Variants in AGBL3 observed in about 807,000 individuals in gnomAD.
AGBL3 encodes the protein cytosolic carboxypeptidase 3.
Under a neutral mutation model 94.5 loss-of-function variants are expected in AGBL3, and 68 were observed. The observed-to-expected ratio is 0.72, with a 90% CI of 0.59 to 0.88. The LOEUF (loss-of-function observed/expected upper bound fraction) is 0.88, where lower values mean the gene tolerates loss of function less well. Among genes scored for constraint, AGBL3 ranks in the 40% least tolerant of loss-of-function variants. AGBL3 has a pLI of 0.00. For synonymous variants in AGBL3, 354 were observed against 370.7 expected (o/e 0.95, Z 0.52); for missense variants, 934 against 1,103.8 (o/e 0.85, Z 2.18).
At chr7:135,134,587 T>A (rs1273284591) in intron 16 of AGBL3, among the ~76,000 whole-genome samples, 1 of 151,968 alleles carries the variant, frequency 6.6e-6, no homozygotes, top group Non-Finnish European at 1.5e-5. Flanking sequence ...GCTATTATAT[T>A]AGGAAGGCTG....
chr7:135,026,244 ATTATTTTATT>A (rs1554497685), intron 5 of AGBL3, among the ~76,000 whole-genome samples: 213 of 81,476 alleles, frequency 2.6e-3, no homozygotes, highest in African/African-American at 7.9e-3. Flanking sequence ...AATGAATACC[ATTATTTTATT>A]TTATTTTATT....
chr7:135,031,128 C>A (rs1815696095), intron 5 of AGBL3, among the ~76,000 whole-genome samples: 1 of 151,920 alleles, frequency 6.6e-6, no homozygotes, highest in Non-Finnish European at 1.5e-5. Context: ...TTTGCATTAT[C>A]TTGGAGTCTG....
chr7:135,050,580 G>A (rs1294548728), intron 11 of AGBL3, among the ~76,000 whole-genome samples: 4 of 151,722 alleles, frequency 2.6e-5, no homozygotes, highest in Non-Finnish European at 4.4e-5. Context: ...ATATATATTT[G>A]TGATTGTTGT....
At chr7:135,018,003 G>C (rs1196325209) in intron 5 of AGBL3, among the ~76,000 whole-genome samples, 2 of 152,100 alleles carry the variant, frequency 1.3e-5, no homozygotes, top group African/African-American at 4.8e-5. Flanking sequence ...TAATTGAGAT[G>C]AATCAGTCAG....
At position 135,034,671 on chromosome 7, in the gene AGBL3, T is replaced by C; in HGVS notation, c.1080T>C (p.Thr360=). 1 of 1,551,580 alleles carries C rather than the reference T, an allele frequency of 6.4e-7. No homozygotes were observed. The highest frequency in any genetic ancestry group is 8.7e-7 in the Non-Finnish European group (1 of 1,146,932). ...GAAAGCGGAAGGCTGTGATTCTGAC[T>C]GCAAGGGTCCATCCAGGGGAAACCA... ...DSRKRKAVIL[T]ARVHPGETNS... Residue 360 remains threonine, a synonymous_variant, in exon 7 of 17, where the codon ACT becomes ACC. Transcript: ENST00000436302.
chr7:134,992,694 C>T (rs2133370874), intron 3 of AGBL3, among the ~76,000 whole-genome samples: 1 of 152,194 alleles, frequency 6.6e-6, no homozygotes, highest in African/African-American at 2.4e-5. Flanking sequence ...GCTGCCTTGC[C>T]CAAACAAAGT....
intron 4 of AGBL3, among the ~76,000 whole-genome samples, chr7:135,013,617 T>C (rs1281682546): frequency 6.6e-6 from 1 of 151,732 alleles, no homozygotes; most frequent in Non-Finnish European, 1.5e-5. Flanking sequence ...GGTTGACTCA[T>C]TGTAGTTGAT....
At chr7:135,067,255 G>T (rs895161610) in intron 12 of AGBL3, among the ~76,000 whole-genome samples, 8 of 152,230 alleles carry the variant, frequency 5.3e-5, no homozygotes, top group Admixed American at 1.3e-4. Context: ...GAACTGGGTT[G>T]AGCCCACCGC....
chr7:135,074,357 T>C (rs576402703), intron 12 of AGBL3, among the ~76,000 whole-genome samples: 3 of 152,184 alleles, frequency 2.0e-5, no homozygotes, highest in Admixed American at 6.5e-5. Flanking sequence ...CAAACCCTCA[T>C]AGCATTCACC....
At chr7:135,008,944 C>T (rs1197316248) in intron 4 of AGBL3, among the ~76,000 whole-genome samples, 1 of 152,072 alleles carries the variant, frequency 6.6e-6, no homozygotes, top group African/African-American at 2.4e-5. Context: ...ACCTCTTTAC[C>T]CCCACTAGGA....
chr7:134,989,490 A>G (rs1396527707), intron 3 of AGBL3, among the ~76,000 whole-genome samples, 180 bp downstream of exon 3: 3 of 152,226 alleles, frequency 2.0e-5, no homozygotes, highest in Non-Finnish European at 2.9e-5. Context: ...AGGTAAGCCT[A>G]TTTTATATTA....
At chr7:134,997,405 TC>T (rs1811146612) in intron 4 of AGBL3, among the ~76,000 whole-genome samples, 1 of 152,160 alleles carries the variant, frequency 6.6e-6, no homozygotes, top group Admixed American at 6.5e-5. Context: ...AGTTGTTCTC[TC>T]CCTGTGGAGT....
chr7:135,132,256 C>T (rs1460726312), intron 16 of AGBL3, among the ~76,000 whole-genome samples: 1 of 151,988 alleles, frequency 6.6e-6, no homozygotes. Flanking sequence ...ATTTAACAAG[C>T]TAAATCTAAC....
At chr7:135,104,780 T>C (rs1278192521) in intron 15 of AGBL3, among the ~76,000 whole-genome samples, 1 of 151,816 alleles carries the variant, frequency 6.6e-6, no homozygotes, top group African/African-American at 2.4e-5. Context: ...CTGTTTGGTT[T>C]TTTTTTTTCT....
rs1356708607 is a variant in AGBL3, at chr7:134,986,559, A to T, written c.-202A>T. 1 of 152,240 alleles carries T rather than the reference A, an allele frequency of 6.6e-6. No individual in the cohort carries two copies. The highest frequency in any genetic ancestry group is 2.4e-5 in the African/African-American group (1 of 41,376). 9.4% of individuals were successfully genotyped at this position (152,240 alleles called of 1,614,324 possible). On this transcript the variant is annotated 5_prime_UTR_variant, in exon 1 of 17. Transcript: ENST00000436302. ...GTGGCTGGGGCTGCGGATCTCCAGC[A>T]GTGGCGTTACTTCTAGCGGCTGGAT... is the stretch of plus-strand genomic sequence containing the variant.
rs568552944 is a variant in AGBL3, at chr7:135,110,194, G to T, written c.2111-5186G>T. On this transcript the variant is annotated intron_variant, in intron 15 of 16. Coordinates refer to ENST00000436302, the MANE Select transcript of AGBL3 (RefSeq NM_178563.4). ...CCTCTGGGAGCTCTGTCTCAGGGAG[G>T]TACAACACTGCTACCACTGGCTGGC... 6.6e-5 allele frequency among the ~76,000 whole-genome samples: 10 copies of T among 152,206 alleles called. No homozygotes were observed. The East Asian group carries it at 1.9e-3, about 29-fold the overall frequency.
intron 12 of AGBL3, among the ~76,000 whole-genome samples, chr7:135,070,077 T>G (rs1819736318): frequency 6.6e-6 from 1 of 152,090 alleles, no homozygotes; most frequent in Non-Finnish European, 1.5e-5. Flanking sequence ...CAAACTACCA[T>G]CAGAGAATAC....
intron 12 of AGBL3, among the ~76,000 whole-genome samples, chr7:135,073,401 G>A (rs916595267): frequency 6.6e-6 from 1 of 152,074 alleles, no homozygotes; most frequent in Non-Finnish European, 1.5e-5. Context: ...AACTTGGGAA[G>A]TGCAGGTTGC....
intron 4 of AGBL3, chr7:135,011,342 T>C (rs1405709192): frequency 1.3e-5 from 2 of 152,066 alleles, no homozygotes; most frequent in Non-Finnish European, 2.9e-5. Flanking sequence ...GAAAATATCT[T>C]CATAATATTA....
Sources: gnomAD v4.1 joint callset for allele counts (sites outside exome capture counted in the v4.1 genomes callset) on GRCh38, gnomAD v4.1.1 for gene constraint, MANE v1.5 for transcripts, NCBI Gene and HGNC (gene_info 2026-07-23, HGNC 2026-07-21) for gene names.